The following TRPM6 variants were observed in gnomAD, a reference collection of about 807,000 sequenced individuals.
TRPM6 encodes the protein transient receptor potential cation channel subfamily M member 6.
In TRPM6, 111 loss-of-function variants were observed where a neutral mutation model predicts 247.6. The observed-to-expected ratio is 0.45, with a 90% CI of 0.38 to 0.52. The LOEUF (loss-of-function observed/expected upper bound fraction) is 0.52. Ranked by LOEUF, TRPM6 falls within the 20% of genes least tolerant of loss-of-function variation. The pLI is 0.00. For missense variants in TRPM6, 2,126 were observed against 2,421.5 expected, an observed-to-expected ratio of 0.88 and a Z score of 2.56; for synonymous variants, 892 against 853.8, an observed-to-expected ratio of 1.04 and a Z score of -0.78.
intron 3 of TRPM6, among the ~76,000 whole-genome samples, chr9:74,843,634 C>T (rs1380062079): frequency 9.9e-5 from 15 of 151,328 alleles, no homozygotes; most frequent in Non-Finnish European, 2.2e-4. Context: ...TGGTGAAACC[C>T]CGTCTCTACT....
At chr9:74,879,180 T>C (rs1040551175) in intron 1 of TRPM6, among the ~76,000 whole-genome samples, 1 of 151,486 alleles carries the variant, frequency 6.6e-6, no homozygotes, top group Non-Finnish European at 1.5e-5. Flanking sequence ...CTGAATGAAA[T>C]ACAAAATATA....
chr9:74,769,803 G>A (rs1428886570), intron 25 of TRPM6, among the ~76,000 whole-genome samples: 1 of 151,546 alleles, frequency 6.6e-6, no homozygotes, highest in Non-Finnish European at 1.5e-5. Context: ...AAGGGAGGGA[G>A]GGAGGAAGGA....
chr9:74,883,221 C>A (rs1831420799), intron 1 of TRPM6, among the ~76,000 whole-genome samples: 1 of 152,040 alleles, frequency 6.6e-6, no homozygotes. Flanking sequence ...AATAATATTC[C>A]CTTGTGTATA....
chr9:74,789,249 A>G (rs973729323), intron 19 of TRPM6, among the ~76,000 whole-genome samples: 7 of 152,202 alleles, frequency 4.6e-5, no homozygotes, highest in Admixed American at 1.3e-4. Flanking sequence ...GTTGTGTCCA[A>G]CTGTGAGCCC....
intron 13 of TRPM6, among the ~76,000 whole-genome samples, chr9:74,808,733 C>A (rs893470530): frequency 6.6e-6 from 1 of 152,166 alleles, no homozygotes; most frequent in Non-Finnish European, 1.5e-5. Context: ...ACTGCGTTGA[C>A]TACATCATAT....
At chr9:74,797,556 G>T (rs972275366) in intron 17 of TRPM6, among the ~76,000 whole-genome samples, 2 of 152,078 alleles carry the variant, frequency 1.3e-5, no homozygotes, top group African/African-American at 4.8e-5. Context: ...TTATTTGGGG[G>T]TGTTTTTCCA....
At position 74,833,998 on chromosome 9, in the gene TRPM6, A is replaced by G. The variant is rs1056549003; in HGVS notation, c.669T>C (p.Asp223=). The change falls in exon 6 of 39, where the codon GAT becomes GAC. Residue 223 remains aspartate, a splice_region_variant and synonymous_variant. Coordinates refer to ENST00000360774, the MANE Select transcript of TRPM6 (RefSeq NM_017662.5). ...TGTTATGAAAGGATTGTCTACTTAC[A>G]TCTTTTCCAATAAGGTCTCTCTGGT... ...IENQRDLIGK[D]VVCLYQTLDN... 9.9e-6 allele frequency: 16 copies of G among 1,613,916 alleles called. No homozygotes were observed. The highest frequency in any genetic ancestry group is 1.4e-5 in the Non-Finnish European group (16 of 1,179,918).
intron 1 of TRPM6, among the ~76,000 whole-genome samples, chr9:74,876,335 C>T (rs1831190568): frequency 6.6e-6 from 1 of 152,218 alleles, no homozygotes; most frequent in South Asian, 2.1e-4. Flanking sequence ...CCACCCACCT[C>T]AGCCTCCCAA....
chr9:74,844,799 A>G (rs1830056230), intron 3 of TRPM6, among the ~76,000 whole-genome samples: 1 of 152,168 alleles, frequency 6.6e-6, no homozygotes, highest in African/African-American at 2.4e-5. Context: ...CTAGCTTTCA[A>G]CCTATCTCAG....
intron 1 of TRPM6, among the ~76,000 whole-genome samples, chr9:74,870,517 C>T (rs1026102079): frequency 6.6e-6 from 1 of 152,150 alleles, no homozygotes; most frequent in African/African-American, 2.4e-5. Flanking sequence ...GTAATCTCTA[C>T]CAGCAAACTA....
Position 74,862,096 on chromosome 9 carries a change from G to GGAA in TRPM6, c.34-3349_34-3348insTTC, listed in dbSNP as rs1554731469. On this transcript the variant is annotated intron_variant, in intron 1 of 38. Transcript: ENST00000360774. ...CGGTTATCTTATCTCAAAACTACCAGAAAAAAAAAAAAAAAAAAAAAGCAG... is the reference window on the plus strand; with the variant it reads ...CGGTTATCTTATCTCAAAACTACCAGGAAAAAAAAAAAAAAAAAAAAAAAGCAG... 3.3e-4 allele frequency among the ~76,000 whole-genome samples: 33 copies of GGAA among 100,536 alleles called. No homozygotes were observed. The South Asian group carries it at 3.5e-3, about 11-fold the overall frequency. The allele number at this position is 100,536 out of a possible 152,430, so 66.0% of individuals were successfully genotyped here.
At chr9:74,821,604 A>G in intron 8 of TRPM6, 65 bp downstream of exon 8, 1 of 1,585,008 alleles carries the variant, frequency 6.3e-7, no homozygotes, top group Non-Finnish European at 8.7e-7. Context: ...ATGCACAGCC[A>G]AAAGAACTAA....
chr9:74,742,664 T>C, intron 32 of TRPM6, 38 bp from the exon 33 acceptor site: 1 of 1,576,118 alleles, frequency 6.3e-7, no homozygotes, highest in Non-Finnish European at 8.7e-7. Flanking sequence ...TAAGTATGCA[T>C]CAGTGGCTGA....
At chr9:74,767,005 G>T (rs746124595) in intron 25 of TRPM6, among the ~76,000 whole-genome samples, 1 of 152,156 alleles carries the variant, frequency 6.6e-6, no homozygotes, top group Non-Finnish European at 1.5e-5. Context: ...ATATTCAGTG[G>T]CATTGACCAC....
intron 5 of TRPM6, among the ~76,000 whole-genome samples, chr9:74,835,595 G>GT (rs1477507867): frequency 6.6e-6 from 1 of 152,066 alleles, no homozygotes; most frequent in Admixed American, 6.5e-5. Flanking sequence ...TAAGATTTCA[G>GT]TAAGTGTTGG....
chr9:74,763,360 T>C (rs1826717755), intron 25 of TRPM6, among the ~76,000 whole-genome samples: 1 of 152,206 alleles, frequency 6.6e-6, no homozygotes, highest in Admixed American at 6.5e-5. Flanking sequence ...AAAACTTACA[T>C]ATCTACATTT....
At chr9:74,830,728 C>T (rs1191163299) in intron 6 of TRPM6, among the ~76,000 whole-genome samples, 1 of 149,698 alleles carries the variant, frequency 6.7e-6, no homozygotes, top group Non-Finnish European at 1.5e-5. Flanking sequence ...AGGCGTGCAC[C>T]ACCATGCCCA....
chr9:74,725,554 G>C (rs12553866), intron 38 of TRPM6, among the ~76,000 whole-genome samples: 18,270 of 152,164 alleles, frequency 0.12, 1,503 homozygotes, highest in Admixed American at 0.22. Context: ...TCCAGTGGGA[G>C]GTGACTGAAT....
chr9:74,793,473 T>C (rs1179729789), intron 18 of TRPM6, among the ~76,000 whole-genome samples: 1 of 152,088 alleles, frequency 6.6e-6, no homozygotes, highest in Non-Finnish European at 1.5e-5. Context: ...TACCTCAGCC[T>C]CCCAAGTAGC....
Sources: gnomAD v4.1 joint callset for allele counts (sites outside exome capture counted in the v4.1 genomes callset) on GRCh38, gnomAD v4.1.1 for gene constraint, MANE v1.5 for transcripts, NCBI Gene and HGNC (gene_info 2026-07-23, HGNC 2026-07-21) for gene names.